Variants in ZDHHC11B observed in about 807,000 individuals in gnomAD.
ZDHHC11B encodes probable palmitoyltransferase ZDHHC11B.
ZDHHC11B carries 17 observed loss-of-function variants against 42.3 expected under a neutral mutation model. The ratio of observed to expected loss-of-function variants is 0.40; its 90% confidence interval spans 0.27 to 0.60. The LOEUF (loss-of-function observed/expected upper bound fraction) is 0.60. Among genes scored for constraint, ZDHHC11B ranks in the 20% least tolerant of loss-of-function variants. ZDHHC11B has a pLI of 0.41. For synonymous variants in ZDHHC11B, 123 were observed against 193.5 expected, an observed-to-expected ratio of 0.64 and a Z score of 3.02; for missense variants, 262 against 463.2, an observed-to-expected ratio of 0.57 and a Z score of 3.99.
At chr5:754,268 T>C (rs1215296900) in intron 6 of ZDHHC11B, among the ~76,000 whole-genome samples, 3 of 127,200 alleles carry the variant, frequency 2.4e-5, no homozygotes, top group South Asian at 3.4e-4. Context: ...ACCTCTCGTC[T>C]ATGAGCCTCC....
intron 12 of ZDHHC11B, among the ~76,000 whole-genome samples, chr5:718,342 G>A (rs1741919582): frequency 6.6e-6 from 1 of 151,714 alleles, no homozygotes; most frequent in Admixed American, 6.6e-5. Flanking sequence ...TGGAAACTCT[G>A]AAACCTAGTC....
chr5:732,890 T>C (rs1743132137), intron 11 of ZDHHC11B, among the ~76,000 whole-genome samples: 1 of 151,622 alleles, frequency 6.6e-6, no homozygotes, highest in Admixed American at 6.6e-5. Context: ...TCTTAAGAAA[T>C]AAAAAACAAA....
chr5:777,669 A>AT (rs1157025820), intron 1 of ZDHHC11B, among the ~76,000 whole-genome samples: 4 of 151,942 alleles, frequency 2.6e-5, no homozygotes, highest in Admixed American at 2.6e-4. Context: ...TGATTGGTCC[A>AT]TTTTGACAGA....
intron 4 of ZDHHC11B, among the ~76,000 whole-genome samples, chr5:759,538 A>AG (rs1233691788): frequency 1.3e-5 from 2 of 151,948 alleles, no homozygotes; most frequent in Admixed American, 6.6e-5. Flanking sequence ...GATTAAACAG[A>AG]GTTACAGATT....
Position 722,413 on chromosome 5 carries a change from T to C in ZDHHC11B, c.1059-5548A>G, listed in dbSNP as rs967112482. ...ACTAGGGACATGAGCAAGTGCTTCA[T>C]GGAAGAGAAAACTCGTATGACTCAC... On this transcript the variant is annotated intron_variant, in intron 12 of 13. Coordinates refer to ENST00000508859, the MANE Select transcript of ZDHHC11B (RefSeq NM_001351303.2). Among the ~76,000 whole-genome samples, 8 of 151,670 alleles carry C rather than the reference T, an allele frequency of 5.3e-5. No individual in the cohort carries two copies. In the South Asian group the frequency reaches 8.4e-4, roughly 16 times the overall value.
chr5:719,884 G>A (rs1280232550), intron 12 of ZDHHC11B, among the ~76,000 whole-genome samples: 1 of 151,730 alleles, frequency 6.6e-6, no homozygotes, highest in Non-Finnish European at 1.5e-5. Context: ...GTGTAGTTCT[G>A]AGTAGCATGA....
chr5:751,486 G>A lies in ZDHHC11B; in HGVS notation c.504-229C>T, dbSNP rs1404368136. On this transcript the variant is annotated intron_variant, in intron 6 of 13. Coordinates refer to ENST00000508859, the MANE Select transcript of ZDHHC11B (RefSeq NM_001351303.2). ...TCTGAGGCAGGGGCGGGGGCATGCA[G>A]GGCAGGTGGGGGGTGCAGAGGCAGG... Among the ~76,000 whole-genome samples, 4 of 36,258 alleles carry A rather than the reference G, an allele frequency of 1.1e-4. No homozygotes were observed. In the East Asian group the frequency reaches 3.1e-3, roughly 28 times the overall value. The allele number at this position is 36,258 out of a possible 152,430, so 23.8% of individuals were successfully genotyped here.
intron 6 of ZDHHC11B, among the ~76,000 whole-genome samples, chr5:751,846 G>A (rs1189225230): frequency 1.7e-5 from 2 of 119,852 alleles, no homozygotes; most frequent in African/African-American, 5.3e-5. Flanking sequence ...TTGCAAACGT[G>A]ATTGCCTTTA....
intron 11 of ZDHHC11B, among the ~76,000 whole-genome samples, chr5:731,600 A>C (rs1298004743): frequency 6.6e-6 from 1 of 151,600 alleles, no homozygotes; most frequent in Non-Finnish European, 1.5e-5. Flanking sequence ...TGGTTCTTTA[A>C]ATATTCTGGA....
rs1463648460 is a variant in ZDHHC11B, at chr5:711,120, C to G, written c.*1170G>C. 6.5e-6 allele frequency: 1 copy of G among 154,350 alleles called. No individual in the cohort carries two copies. The highest frequency in any genetic ancestry group is 2.4e-5 in the African/African-American group (1 of 40,962). 9.6% of individuals were successfully genotyped at this position (154,350 alleles called of 1,614,324 possible). On this transcript the variant is annotated 3_prime_UTR_variant, in exon 14 of 14. Coordinates refer to ENST00000508859, the MANE Select transcript of ZDHHC11B (RefSeq NM_001351303.2). ...GCTCCCATTTTCCAGTACTGTGCTC[C>G]CATTTCCCAGTACTATGGGCTCCCC...
intron 4 of ZDHHC11B, among the ~76,000 whole-genome samples, chr5:764,460 C>T (rs1159902209): frequency 6.6e-6 from 1 of 151,928 alleles, no homozygotes; most frequent in Non-Finnish European, 1.5e-5. Flanking sequence ...CTCAGAGCAG[C>T]CGGCCGGCAC....
At chr5:753,638 C>G (rs1354352336) in intron 6 of ZDHHC11B, among the ~76,000 whole-genome samples, 1 of 148,076 alleles carries the variant, frequency 6.8e-6, no homozygotes, top group Non-Finnish European at 1.5e-5. Context: ...CCCACCTTGG[C>G]CATCGTGGAG....
At chr5:741,924 G>T (rs1184451844) in intron 9 of ZDHHC11B, among the ~76,000 whole-genome samples, 1 of 73,350 alleles carries the variant, frequency 1.4e-5, no homozygotes, top group Non-Finnish European at 2.4e-5. Context: ...CCACGCAGGA[G>T]ACTTGCAATT....
At chr5:760,208 G>A (rs1734414731) in intron 4 of ZDHHC11B, among the ~76,000 whole-genome samples, 1 of 151,756 alleles carries the variant, frequency 6.6e-6, no homozygotes, top group African/African-American at 2.4e-5. Flanking sequence ...AGGTGTGGAG[G>A]GTCGACTCGA....
chr5:717,239 G>A (rs1410276355), intron 12 of ZDHHC11B, among the ~76,000 whole-genome samples: 2 of 151,640 alleles, frequency 1.3e-5, no homozygotes, highest in Non-Finnish European at 2.9e-5. Context: ...CACAACTCTT[G>A]CTTGATTGTG....
chr5:775,744 T>C (rs1338474862), intron 1 of ZDHHC11B, among the ~76,000 whole-genome samples: 1 of 151,770 alleles, frequency 6.6e-6, no homozygotes, highest in East Asian at 1.9e-4. Flanking sequence ...AGGATGCCCC[T>C]GGCAGGGGCC....
chr5:721,083 C>A (rs1742144663), intron 12 of ZDHHC11B, among the ~76,000 whole-genome samples: 1 of 151,616 alleles, frequency 6.6e-6, no homozygotes, highest in Non-Finnish European at 1.5e-5. Flanking sequence ...CCAGCCTGGG[C>A]AACAGACTGA....
chr5:761,686 T>C (rs1734634196), intron 4 of ZDHHC11B, among the ~76,000 whole-genome samples: 1 of 151,874 alleles, frequency 6.6e-6, no homozygotes, highest in East Asian at 1.9e-4. Context: ...TGTCCAGGCC[T>C]TAGAACCCCA....
intron 12 of ZDHHC11B, 67 bp downstream of exon 12, chr5:730,367 C>G (rs551917207): frequency 6.7e-7 from 1 of 1,498,666 alleles, no homozygotes. Context: ...ACATATTTTC[C>G]TAGGTAATTT....
Sources: gnomAD v4.1 joint callset for allele counts (sites outside exome capture counted in the v4.1 genomes callset) on GRCh38, gnomAD v4.1.1 for gene constraint, MANE v1.5 for transcripts, NCBI Gene and HGNC (gene_info 2026-07-23, HGNC 2026-07-21) for gene names.